COL24A1: variants seen among roughly 807,000 people sequenced by gnomAD.
COL24A1 encodes collagen alpha-1(XXIV) chain.
In COL24A1, 224 loss-of-function variants were observed where a neutral mutation model predicts 253.9. The observed-to-expected ratio is 0.88, with a 90% CI of 0.79 to 0.99. The LOEUF is 0.99. Ranked by LOEUF, COL24A1 falls within the 50% of genes least tolerant of loss-of-function variation. The pLI, the probability that COL24A1 is intolerant of heterozygous loss-of-function variation, is 0.00. For missense variants in COL24A1, 2,131 were observed against 2,068.5 expected (o/e 1.03, Z -0.59); for synonymous variants, 685 against 673.7 (o/e 1.02, Z -0.26).
chr1:85,803,472 C>T (rs1671650005), intron 47 of COL24A1, among the ~76,000 whole-genome samples: 1 of 147,800 alleles, frequency 6.8e-6, no homozygotes, highest in Admixed American at 6.7e-5. Context: ...CAAAACAAAA[C>T]AAAAACAACA....
intron 12 of COL24A1, 116 bp downstream of exon 12, chr1:86,046,709 G>C: frequency 8.4e-7 from 1 of 1,192,414 alleles, no homozygotes; most frequent in Non-Finnish European, 1.2e-6. Context: ...AATTAAAATG[G>C]AATGATTATA....
At chr1:86,089,273 A>C (rs886501261) in intron 6 of COL24A1, 46 bp from the exon 7 acceptor site, 52 of 1,447,652 alleles carry the variant, frequency 3.6e-5, no homozygotes, top group Non-Finnish European at 4.6e-5. Flanking sequence ...GAGAACTGAA[A>C]ATTAGAATTC....
intron 13 of COL24A1, 116 bp downstream of exon 13, chr1:86,033,754 G>A: frequency 2.2e-6 from 2 of 897,162 alleles, no homozygotes; most frequent in Non-Finnish European, 3.4e-6. Flanking sequence ...CAGTGGTGTG[G>A]AGATTGTTTT....
chr1:86,119,523 G>A (rs898963495), intron 3 of COL24A1, among the ~76,000 whole-genome samples: 4 of 152,064 alleles, frequency 2.6e-5, no homozygotes, highest in African/African-American at 9.7e-5. Flanking sequence ...GACAAGAAGA[G>A]CACAAATCCC....
intron 7 of COL24A1, among the ~76,000 whole-genome samples, chr1:86,081,150 G>A (rs189317069): frequency 7.7e-4 from 117 of 152,224 alleles, no homozygotes; most frequent in Non-Finnish European, 1.2e-3. Context: ...GTTTGAAAGT[G>A]TTTGCCTTCT....
intron 2 of COL24A1, among the ~76,000 whole-genome samples, chr1:86,144,429 C>T (rs954127509): frequency 1.7e-4 from 26 of 152,024 alleles, no homozygotes; most frequent in African/African-American, 6.0e-4. Context: ...AGCTAGAGGA[C>T]GTCTAAGGGA....
At chr1:86,151,978 G>A (rs894876402) in intron 1 of COL24A1, among the ~76,000 whole-genome samples, 2 of 152,114 alleles carry the variant, frequency 1.3e-5, no homozygotes, top group African/African-American at 2.4e-5. Flanking sequence ...ACCACGCTAC[G>A]TTTACATGCC....
At chr1:86,124,582 G>A (rs903093283) in intron 3 of COL24A1, among the ~76,000 whole-genome samples, 2 of 151,708 alleles carry the variant, frequency 1.3e-5, no homozygotes, top group Admixed American at 1.3e-4. Context: ...AAAACAAATA[G>A]TTTGCCCACT....
chr1:85,771,967 A>C, intron 53 of COL24A1, among the ~76,000 whole-genome samples: 2 of 129,772 alleles, frequency 1.5e-5, no homozygotes, highest in African/African-American at 2.9e-5. Context: ...ACCCCACCAC[A>C]GTCCCCAGAG....
intron 2 of COL24A1, among the ~76,000 whole-genome samples, chr1:86,141,393 C>T (rs1304171554): frequency 2.6e-5 from 4 of 152,208 alleles, no homozygotes; most frequent in Admixed American, 1.3e-4. Context: ...TTGAATCAAT[C>T]GTAGAGGAAA....
intron 47 of COL24A1, among the ~76,000 whole-genome samples, chr1:85,815,520 C>A (rs181251684): frequency 6.6e-6 from 1 of 152,122 alleles, no homozygotes; most frequent in Non-Finnish European, 1.5e-5. Context: ...CATGTTAGGA[C>A]TTCTTAACAG....
At chr1:85,939,124 C>T (rs1421238225) in intron 24 of COL24A1, among the ~76,000 whole-genome samples, 2 of 152,016 alleles carry the variant, frequency 1.3e-5, no homozygotes, top group African/African-American at 4.8e-5. Context: ...AAAGTGTCAC[C>T]AAGGTTATAT....
chr1:85,803,934 T>G (rs146194450), intron 47 of COL24A1, among the ~76,000 whole-genome samples: 70 of 152,280 alleles, frequency 4.6e-4, no homozygotes, highest in African/African-American at 1.6e-3. Flanking sequence ...CATATAAATA[T>G]GAGAAGGTAA....
chr1:85,742,891 G>C (rs1557957350), intron 57 of COL24A1, among the ~76,000 whole-genome samples: 1 of 151,600 alleles, frequency 6.6e-6, no homozygotes, highest in East Asian at 1.9e-4. Context: ...CACATGCTTA[G>C]TGTTCCAATA....
chr1:86,119,241 C>T (rs1358165106), intron 3 of COL24A1, among the ~76,000 whole-genome samples: 2 of 152,062 alleles, frequency 1.3e-5, no homozygotes, highest in Non-Finnish European at 2.9e-5. Flanking sequence ...ATTACCTGCC[C>T]AATACTGAGA....
In COL24A1 at chr1:85,784,248, G is replaced by A; in HGVS notation, c.4167+11C>T. The stretch of plus-strand genomic sequence containing the variant: ...AATAAATGCTTGGTGAATTTCTGAG[G>A]TGGTACATACAGGCTGCCCTTTCAG... On this transcript the variant is annotated intron_variant, in intron 49 of 59. Transcript: ENST00000370571. 1 of 1,612,822 alleles carries A rather than the reference G, an allele frequency of 6.2e-7. No homozygotes were observed. Among genetic ancestry groups the A allele is most frequent in the African/African-American group, 1.3e-5 (1 of 75,000 alleles).
chr1:85,896,045 T>C lies in COL24A1; in HGVS notation c.2853A>G (p.Gly951=). The change falls in exon 30 of 60, where the codon GGA becomes GGG. Residue 951 remains glycine (G), a synonymous_variant. Coordinates refer to ENST00000370571, the MANE Select transcript of COL24A1 (RefSeq NM_152890.7). The part of the protein sequence containing the change: ...QGAKGEKGDQ[G]KRGPHGLIGK... The stretch of plus-strand genomic sequence containing the variant: ...CAATAAGACCATGAGGCCCTCTTTT[T>C]CCTTGATCTCCTTTTTCACCCTAAC... 6.2e-7 allele frequency: 1 copy of C among 1,612,734 alleles called. No homozygotes were observed. The highest frequency in any genetic ancestry group is 8.5e-7 in the Non-Finnish European group (1 of 1,179,608).
intron 47 of COL24A1, among the ~76,000 whole-genome samples, chr1:85,797,649 G>T (rs1348373848): frequency 6.6e-6 from 1 of 152,166 alleles, no homozygotes; most frequent in East Asian, 1.9e-4. Flanking sequence ...AAGTTATTTA[G>T]TCTCTCTCGG....
At chr1:85,892,071 G>C (rs1009540128) in intron 31 of COL24A1, among the ~76,000 whole-genome samples, 4 of 152,038 alleles carry the variant, frequency 2.6e-5, no homozygotes, top group Non-Finnish European at 5.9e-5. Flanking sequence ...CATTTATTAT[G>C]ACTATGAAAG....
Sources: allele counts gnomAD v4.1 joint callset (sites outside exome capture counted in the v4.1 genomes callset), GRCh38; gene constraint gnomAD v4.1.1; transcripts MANE v1.5; gene names NCBI Gene and HGNC (gene_info 2026-07-23, HGNC 2026-07-21).